Variants in PIGF observed in about 807,000 individuals in gnomAD.
PIGF encodes the protein GPI ethanolamine phosphate transferase, stabilizing subunit.
A neutral mutation model predicts 26.0 loss-of-function variants in PIGF; 23 were observed. The ratio of observed to expected loss-of-function variants is 0.88; its 90% CI spans 0.64 to 1.25. The LOEUF (loss-of-function observed/expected upper bound fraction) is 1.25, where lower values mean the gene tolerates loss of function less well. PIGF is among the 50% of genes most tolerant of loss of function. The probability of loss-of-function intolerance (pLI) is 0.00; values close to 1 mark genes in which losing one functional copy is unlikely to be tolerated. For synonymous variants in PIGF, 93 were observed against 92.6 expected (o/e 1.00, Z -0.03); for missense variants, 278 against 249.9 (o/e 1.11, Z -0.76).
chr2:46,585,224 AG>A (rs1358173646), intron 5 of PIGF, among the ~76,000 whole-genome samples: 3 of 152,252 alleles, frequency 2.0e-5, no homozygotes, highest in Non-Finnish European at 4.4e-5. Context: ...ATTCATGTAA[AG>A]GAAGTCATTC....
intron 4 of PIGF, 92 bp from the exon 5 acceptor site, chr2:46,592,675 T>C: frequency 1.5e-6 from 1 of 662,714 alleles, no homozygotes; most frequent in South Asian, 1.7e-5. Flanking sequence ...AGTATACATA[T>C]ATTTCCTGCT....
intron 5 of PIGF, among the ~76,000 whole-genome samples, chr2:46,586,847 C>T (rs944535742): frequency 7.9e-5 from 12 of 151,790 alleles, no homozygotes; most frequent in Non-Finnish European, 1.2e-4. Flanking sequence ...CATTGGGATA[C>T]ATTTCTCTAG....
In PIGF at chr2:46,616,933, G is replaced by C. The variant is rs957216644; in HGVS notation, c.-22+37C>G. On this transcript the variant is annotated intron_variant, in intron 1 of 5. Transcript: ENST00000281382. Reference sequence around the variant, plus strand: ...AATTCGCGGGGGTAGCTTGCACCTCGTGAGGCGAGACGCCGAGGGCGTCCA... The same window carrying C: ...AATTCGCGGGGGTAGCTTGCACCTCCTGAGGCGAGACGCCGAGGGCGTCCA... 3.0e-5 allele frequency: 9 copies of C among 300,182 alleles called. No homozygotes were observed. The African/African-American group carries it at 1.1e-3, about 38-fold the overall frequency. The allele number at this position is 300,182 out of a possible 1,614,324, so 18.6% of individuals were successfully genotyped here. A position where few individuals can be genotyped will look rare whatever the true frequency, so the allele number is the denominator to read the frequency against.
Position 46,592,506 on chromosome 2 carries a change from G to C in PIGF, c.515C>G (p.Pro172Arg), listed in dbSNP as rs2104079531. 6.2e-7 allele frequency: 1 copy of C among 1,606,224 alleles called. No individual in the cohort carries two copies. Among genetic ancestry groups the C allele is most frequent in the East Asian group, 2.2e-5 (1 of 44,808 alleles). The change falls in exon 5 of 6, where the codon CCT becomes CGT. Residue 172 changes from proline (P) to arginine (R), a missense_variant. Physicochemically the swap from Pro to Arg is moderately radical, Grantham distance 103 (BLOSUM62 -2). Transcript: ENST00000281382. The part of the protein sequence containing the change: ...SFVGAWLGAL[P>R]IPLDWERPWQ... ...TGGTCTTTCCCAATCCAGTGGAATA[G>C]GAAGTGCTCCAAGCCATGCTCCTAC... is the stretch of plus-strand genomic sequence containing the variant.
chr2:46,615,753 CAA>C lies in PIGF; in HGVS notation c.-21-570_-21-569del, dbSNP rs1361368523. 6 of 152,498 alleles carry C rather than the reference CAA, an allele frequency of 3.9e-5. No homozygotes were observed. In the South Asian group the frequency reaches 8.3e-4, roughly 21 times the overall value. 9.4% of individuals were successfully genotyped at this position (152,498 alleles called of 1,614,324 possible). A position where few individuals can be genotyped will look rare whatever the true frequency, so the allele number is the denominator to read the frequency against. ...ATACTCAAATGGTGGCCAGTGGAAT[CAA>C]GAGTTCAAAGAGCACCACACTAAAC... On this transcript the variant is annotated intron_variant, in intron 1 of 5. Coordinates refer to ENST00000281382, the MANE Select transcript of PIGF (RefSeq NM_002643.4).
intron 5 of PIGF, chr2:46,587,954 G>A: frequency 1.4e-6 from 1 of 712,070 alleles, no homozygotes; most frequent in Admixed American, 4.1e-5. Flanking sequence ...TCATGGTGTA[G>A]TGGGGCTCTC....
intron 5 of PIGF, among the ~76,000 whole-genome samples, chr2:46,587,663 G>C (rs1669619695): frequency 6.6e-6 from 1 of 152,038 alleles, no homozygotes; most frequent in African/African-American, 2.4e-5. Context: ...TTGATTATTT[G>C]GTTCAAATAT....
At position 46,588,066 on chromosome 2, in the gene PIGF, A is replaced by G. The variant is rs761116580; in HGVS notation, c.546+4409T>C. The G allele has an allele frequency of 1.9e-6, 3 of 1,555,806 alleles. No individual in the cohort carries two copies. The highest frequency in any genetic ancestry group is 1.7e-6 in the Non-Finnish European group (2 of 1,150,280). ...ACTTTCTAGTGTATAAAATGGGAGT[A>G]AAACCTACCTTGCACTACGGTTGTC... On this transcript the variant is annotated intron_variant, in intron 5 of 5. Coordinates refer to ENST00000281382, the MANE Select transcript of PIGF (RefSeq NM_002643.4). The surrounding 1 kb of genome is among the most constrained non-coding windows in gnomAD (Gnocchi z 4.1).
chr2:46,585,469 A>G (rs1669540319), intron 5 of PIGF, among the ~76,000 whole-genome samples: 3 of 152,348 alleles, frequency 2.0e-5, no homozygotes, highest in Admixed American at 1.3e-4. Context: ...GACCTTAGCC[A>G]GCTCATTTTA....
At chr2:46,608,531 G>A (rs189772260) in intron 4 of PIGF, among the ~76,000 whole-genome samples, 1 of 152,304 alleles carries the variant, frequency 6.6e-6, no homozygotes, top group Non-Finnish European at 1.5e-5. Flanking sequence ...GTCCTTTCCA[G>A]AAGGTTTTCA....
intron 3 of PIGF, among the ~76,000 whole-genome samples, chr2:46,612,840 A>G (rs1045390592): frequency 2.6e-5 from 4 of 152,156 alleles, no homozygotes; most frequent in Non-Finnish European, 5.9e-5. Flanking sequence ...TTTCTGACTG[A>G]AGCTTGAGTA....
intron 4 of PIGF, among the ~76,000 whole-genome samples, chr2:46,604,214 A>G (rs1442060542): frequency 6.6e-6 from 1 of 152,100 alleles, no homozygotes; most frequent in Non-Finnish European, 1.5e-5. Flanking sequence ...GCAGGCAATA[A>G]CAAATGCTGG....
Position 46,614,960 on chromosome 2 carries a change from T to C in PIGF, c.205A>G (p.Lys69Glu). The C allele has an allele frequency of 1.9e-6, 3 of 1,561,904 alleles. No homozygotes were observed. The highest frequency in any genetic ancestry group is 2.2e-5 in the East Asian group (1 of 44,572). The part of the protein sequence containing the change: ...YLVVKPNTSS[K>E]RSSLSHKVTG... ...ACCTTGTGTGATAATGAACTTCTTTTAGAGGATGTATTTGGTTTCACTACT... is the reference window on the plus strand; with the variant it reads ...ACCTTGTGTGATAATGAACTTCTTTCAGAGGATGTATTTGGTTTCACTACT... The change falls in exon 2 of 6, where the codon AAA becomes GAA. Residue 69 changes from lysine (K) to glutamate (E), a missense_variant. Coordinates refer to ENST00000281382, the MANE Select transcript of PIGF (RefSeq NM_002643.4).
chr2:46,581,907 C>A (rs17035318), intron 5 of PIGF: 2 of 223,972 alleles, frequency 8.9e-6, no homozygotes, highest in African/African-American at 2.3e-5. Context: ...CAATTTAGCT[C>A]TCTGAACTAG....
intron 3 of PIGF, among the ~76,000 whole-genome samples, chr2:46,613,043 A>AATATAT (rs140332220): frequency 0.22 from 33,066 of 148,096 alleles, 4,283 homozygotes; most frequent in Admixed American, 0.3. Flanking sequence ...ACTATGTATA[A>AATATAT]ATATATATAT....
In PIGF at chr2:46,588,267, C is replaced by T. The variant is rs77749457; in HGVS notation, c.546+4208G>A. On this transcript the variant is annotated intron_variant, in intron 5 of 5. Transcript: ENST00000281382. This position sits in a 1 kb window ranked among gnomAD's most constrained non-coding sequence, Gnocchi z 4.1. Reference sequence around the variant, plus strand: ...AATACCAGAGAAATAGATAAATTAACAGTCCACTCTACCAACTGAAAGACT... The same window carrying T: ...AATACCAGAGAAATAGATAAATTAATAGTCCACTCTACCAACTGAAAGACT... The T allele has an allele frequency of 2.0e-5, 31 of 1,534,664 alleles. No homozygotes were observed. The highest frequency in any genetic ancestry group is 2.6e-5 in the Non-Finnish European group (30 of 1,136,922).
chr2:46,588,055 A>C lies in PIGF; in HGVS notation c.546+4420T>G. On this transcript the variant is annotated intron_variant, in intron 5 of 5. Transcript: ENST00000281382. The surrounding 1 kb of genome is among the most constrained non-coding windows in gnomAD (Gnocchi z 4.1). ...CTCACACTTGGACTTTCTAGTGTAT[A>C]AAATGGGAGTAAAACCTACCTTGCA... 6.5e-7 allele frequency: 1 copy of C among 1,539,580 alleles called. No individual in the cohort carries two copies. The highest frequency in any genetic ancestry group is 8.8e-7 in the Non-Finnish European group (1 of 1,142,528).
chr2:46,590,186 T>G (rs999082428), intron 5 of PIGF, among the ~76,000 whole-genome samples: 1 of 152,086 alleles, frequency 6.6e-6, no homozygotes, highest in African/African-American at 2.4e-5. Context: ...TCCAGCTACC[T>G]AGAAAATCTT....
chr2:46,610,499 G>T (rs1357256288), intron 4 of PIGF, among the ~76,000 whole-genome samples: 1 of 150,250 alleles, frequency 6.7e-6, no homozygotes, highest in Non-Finnish European at 1.5e-5. Context: ...ATTAGAAGAC[G>T]GTTCCAAGGG....
Sources: allele counts gnomAD v4.1 joint callset (sites outside exome capture counted in the v4.1 genomes callset), GRCh38; gene constraint gnomAD v4.1.1; non-coding constraint Gnocchi (gnomAD v3.1); transcripts MANE v1.5; gene names NCBI Gene and HGNC (gene_info 2026-07-23, HGNC 2026-07-21).